The following USP9X variants were observed in gnomAD, a reference collection of about 807,000 sequenced individuals.
USP9X encodes the protein ubiquitin specific peptidase 9 X-linked.
USP9X carries 7 observed loss-of-function variants against 190.3 expected under a neutral mutation model. The observed-to-expected ratio is 0.04, with a 90% CI of 0.02 to 0.07. USP9X has a LOEUF of 0.07. Ranked by LOEUF, USP9X falls within the 10% of genes least tolerant of loss-of-function variation. The probability of loss-of-function intolerance (pLI) is 1.00; values close to 1 mark genes in which losing one functional copy is unlikely to be tolerated. For synonymous variants in USP9X, 645 were observed against 659.5 expected (o/e 0.98, Z 0.34); for missense variants, 1,010 against 1,916.9 (o/e 0.53, Z 8.83).
At chrX:41,196,459 T>C in intron 27 of USP9X, 100 bp downstream of exon 27, 1 of 1,068,765 alleles carries the variant, frequency 9.4e-7, no homozygotes, top group Non-Finnish European at 1.3e-6. Flanking sequence ...TAGGACAGTC[T>C]ATATTTAATA....
At chrX:41,096,665 C>G (rs998078500) in intron 1 of USP9X, among the ~76,000 whole-genome samples, 1 of 111,223 alleles carries the variant, frequency 9.0e-6, no homozygotes, top group East Asian at 2.8e-4. Flanking sequence ...GTCTCAAACT[C>G]CTGACCTCAG....
At chrX:41,207,336 C>T (rs751736057) in intron 32 of USP9X, among the ~76,000 whole-genome samples, 2 of 110,444 alleles carry the variant, frequency 1.8e-5, no homozygotes, top group South Asian at 3.8e-4. Context: ...CCACCCGCCT[C>T]GGCCTCCCAA....
chrX:41,223,461 G>A, intron 39 of USP9X, 59 bp downstream of exon 39: 18 of 1,141,659 alleles, frequency 1.6e-5, no homozygotes, highest in Non-Finnish European at 2.2e-5. Context: ...TTTTGAGACA[G>A]AGTTTTGCTG....
At chrX:41,086,990 C>T (rs1430751083) in intron 1 of USP9X, among the ~76,000 whole-genome samples, 1 of 112,116 alleles carries the variant, frequency 8.9e-6, no homozygotes, top group African/African-American at 3.3e-5. Context: ...GTGTGGATTT[C>T]TGTAGCGACT....
At chrX:41,224,273 A>G (rs937319824) in intron 39 of USP9X, among the ~76,000 whole-genome samples, 12 of 111,345 alleles carry the variant, frequency 1.1e-4, no homozygotes, top group African/African-American at 3.9e-4. Context: ...CTATCTGATC[A>G]TTATAATGCA....
At position 41,198,597 on chromosome X, in the gene USP9X, C is replaced by T. The variant is rs754175363; in HGVS notation, c.4450C>T (p.Pro1484Ser). Residue 1484 changes from proline to serine, a missense_variant, in exon 30 of 45, where the codon CCA (proline) becomes TCA (serine). Coordinates refer to ENST00000378308, the MANE Select transcript of USP9X (RefSeq NM_001039591.3). ...ACAGTATATGAGAAATGGAGAGCTT[C>T]CAGCTGAACAGGCTATTCCGGTCTG... ...YLQYMRNGEL[P>S]AEQAIPVCGS... 1.7e-5 allele frequency: 20 copies of T among 1,209,902 alleles called. No individual in the cohort carries two copies. The highest frequency in any genetic ancestry group is 2.2e-5 in the Non-Finnish European group (20 of 895,153).
chrX:41,099,274 A>C (rs2062018874), intron 1 of USP9X, among the ~76,000 whole-genome samples: 1 of 108,811 alleles, frequency 9.2e-6, no homozygotes, highest in Non-Finnish European at 1.9e-5. Context: ...GTTTTCACCA[A>C]TATAAAGAAT....
chrX:41,187,939 A>G (rs1222370494), intron 24 of USP9X, 53 bp from the exon 25 acceptor site: 10 of 1,150,016 alleles, frequency 8.7e-6, no homozygotes, highest in Non-Finnish European at 1.0e-5. Flanking sequence ...GTTTTTCTAA[A>G]CATAATTTCA....
chrX:41,087,877 C>T (rs2061924855), intron 1 of USP9X, among the ~76,000 whole-genome samples: 1 of 112,100 alleles, frequency 8.9e-6, no homozygotes. Flanking sequence ...ATAGCACCAG[C>T]AACAGTACAT....
chrX:41,134,635 GTTAT>G (rs2062355521), intron 4 of USP9X, 86 bp from the exon 5 acceptor site: 2 of 741,455 alleles, frequency 2.7e-6, no homozygotes, highest in Non-Finnish European at 2.0e-6. Flanking sequence ...GAAGTTTCCA[GTTAT>G]TTATTACCTT....
chrX:41,182,051 CTA>C (rs2062831840), intron 21 of USP9X, among the ~76,000 whole-genome samples: 1 of 111,816 alleles, frequency 8.9e-6, no homozygotes, highest in Admixed American at 9.5e-5. Context: ...AATGAGTAAA[CTA>C]TAATTCAAGA....
chrX:41,218,691 GAT>G lies in USP9X; in HGVS notation c.6435+97_6435+98del. The G allele has an allele frequency of 7.3e-6, 6 of 822,981 alleles. No individual in the cohort carries two copies. In the Middle Eastern group the frequency reaches 1.4e-3, roughly 195 times the overall value. 67.8% of individuals were successfully genotyped at this position (822,981 alleles called of 1,213,427 possible). Reference sequence around the variant, plus strand: ...GTCACAAGCATATGTGCATCCACTTGATATGTTTACCTAACAGAAACACACAA... The same window carrying G: ...GTCACAAGCATATGTGCATCCACTTGATGTTTACCTAACAGAAACACACAA... On this transcript the variant is annotated intron_variant, in intron 37 of 44. Coordinates refer to ENST00000378308, the MANE Select transcript of USP9X (RefSeq NM_001039591.3).
chrX:41,171,581 GTA>G (rs2062726048), intron 20 of USP9X: 2 of 357,943 alleles, frequency 5.6e-6, no homozygotes, highest in Admixed American at 3.8e-5. Flanking sequence ...AGTCTAAATT[GTA>G]TATATGAGAG....
At chrX:41,097,481 G>T (rs1306915796) in intron 1 of USP9X, among the ~76,000 whole-genome samples, 3 of 111,215 alleles carry the variant, frequency 2.7e-5, no homozygotes, top group Non-Finnish European at 5.7e-5. Context: ...AATTATTGAG[G>T]ATCCCAGAGA....
chrX:41,129,791 G>A (rs1480084811), intron 3 of USP9X, among the ~76,000 whole-genome samples: 4 of 111,133 alleles, frequency 3.6e-5, no homozygotes, highest in Non-Finnish European at 5.7e-5. Context: ...AGGAAGGTGC[G>A]ACACATTTCC....
intron 41 of USP9X, among the ~76,000 whole-genome samples, chrX:41,228,027 A>G (rs191298898): frequency 1.2e-4 from 13 of 110,956 alleles, no homozygotes; most frequent in Non-Finnish European, 3.8e-5. Flanking sequence ...TTACCCCAAA[A>G]GGAAACCCCT....
intron 1 of USP9X, among the ~76,000 whole-genome samples, chrX:41,094,308 C>G (rs980053070): frequency 1.5e-4 from 16 of 109,656 alleles, no homozygotes; most frequent in Non-Finnish European, 2.9e-4. Context: ...TCCTGAGTAG[C>G]TGGGATTACA....
At chrX:41,139,741 G>A (rs1244186193) in intron 6 of USP9X, among the ~76,000 whole-genome samples, 1 of 111,825 alleles carries the variant, frequency 8.9e-6, no homozygotes, top group Non-Finnish European at 1.9e-5. Flanking sequence ...CAGCCATTTA[G>A]CATCTTTACT....
At chrX:41,206,198 A>G (rs2063094171) in intron 32 of USP9X, among the ~76,000 whole-genome samples, 1 of 111,141 alleles carries the variant, frequency 9.0e-6, no homozygotes, top group Non-Finnish European at 1.9e-5. Context: ...GCCCCTACCT[A>G]TTTCTTTCTA....
Sources: allele counts gnomAD v4.1 joint callset (sites outside exome capture counted in the v4.1 genomes callset), GRCh38; gene constraint gnomAD v4.1.1; transcripts MANE v1.5; gene names NCBI Gene and HGNC (gene_info 2026-07-23, HGNC 2026-07-21).